The following PDS5B variants were observed in gnomAD, a reference collection of about 807,000 sequenced individuals.
PDS5B encodes PDS5 cohesin associated factor B, also known as sister chromatid cohesion protein PDS5 homolog B.
Under a neutral mutation model 184.1 loss-of-function variants are expected in PDS5B, and 51 were observed. The ratio of observed to expected loss-of-function variants is 0.28; its 90% CI spans 0.22 to 0.35. PDS5B has a LOEUF of 0.35. Among genes scored for constraint, PDS5B ranks in the 10% least tolerant of loss-of-function variants. The pLI is 1.00. For missense variants in PDS5B, 1,180 were observed against 1,723.3 expected (o/e 0.68, Z 5.58); for synonymous variants, 566 against 569.2 (o/e 0.99, Z 0.08).
chr13:32,712,732 A>C (rs545714963), intron 19 of PDS5B, among the ~76,000 whole-genome samples: 8 of 152,308 alleles, frequency 5.3e-5, no homozygotes, highest in Admixed American at 4.6e-4. Flanking sequence ...CTTTAAGAGA[A>C]AGAAAGAAAA....
chr13:32,759,721 G>T (rs376630629), intron 29 of PDS5B, 31 bp downstream of exon 29: 21 of 1,225,628 alleles, frequency 1.7e-5, no homozygotes, highest in Non-Finnish European at 2.2e-5. Flanking sequence ...TAATTTTTAT[G>T]TGGTAGCTTA....
chr13:32,640,782 T>C (rs1208259606), intron 1 of PDS5B, among the ~76,000 whole-genome samples: 1 of 149,216 alleles, frequency 6.7e-6, no homozygotes, highest in Non-Finnish European at 1.5e-5. Context: ...TGGCCAGGTG[T>C]GGTGGCTCAC....
chr13:32,689,695 G>T (rs940247686), intron 13 of PDS5B: 17 of 152,178 alleles, frequency 1.1e-4, no homozygotes, highest in African/African-American at 4.1e-4. Context: ...TCCAAAGCTT[G>T]TTCTTTTTCC....
chr13:32,770,298 A>G lies in PDS5B; in HGVS notation c.3802A>G (p.Lys1268Glu). Residue 1268 changes from lysine to glutamate, a missense_variant, in exon 32 of 35, where the codon AAG becomes GAG. Around this residue, in one of 11 missense-constraint regions of PDS5B, gnomAD observed 465 missense variants for 497.8 expected, o/e 0.93. Coordinates refer to ENST00000315596, the MANE Select transcript of PDS5B (RefSeq NM_015032.4). ...TGATGAACAGCAGTGGCCTGAGGAA[A>G]AGAGGCTCAAAGAAGATATATTAGA... ...ESDEQQWPEE[K>E]RLKEDILENE... 2 of 1,614,082 alleles carry G rather than the reference A, an allele frequency of 1.2e-6. No homozygotes were observed. Among genetic ancestry groups the G allele is most frequent in the African/African-American group, 1.3e-5 (1 of 75,030 alleles).
At chr13:32,730,742 CTGTT>C (rs1288267842) in intron 19 of PDS5B, among the ~76,000 whole-genome samples, 1 of 149,078 alleles carries the variant, frequency 6.7e-6, no homozygotes, top group African/African-American at 2.4e-5. Context: ...ATTTGGCTCT[CTGTT>C]TGTCTTTTAT....
intron 24 of PDS5B, among the ~76,000 whole-genome samples, chr13:32,752,733 C>G (rs983460274): frequency 6.6e-6 from 1 of 152,098 alleles, no homozygotes; most frequent in African/African-American, 2.4e-5. Context: ...GTTAAGCAGG[C>G]ACACGGGTAA....
At chr13:32,723,792 AATC>A (rs1952801677) in intron 19 of PDS5B, among the ~76,000 whole-genome samples, 2 of 152,210 alleles carry the variant, frequency 1.3e-5, no homozygotes, top group African/African-American at 4.8e-5. Flanking sequence ...ACAGAATAAT[AATC>A]TTTTATTTCA....
At position 32,742,596 on chromosome 13, in the gene PDS5B, G is replaced by A; in HGVS notation, c.2481G>A (p.Gln827=). The change falls in exon 23 of 35, where the codon CAG becomes CAA. Residue 827 remains glutamine (Q), a synonymous_variant. Transcript: ENST00000315596. ...TCGACTTGTCTCTTAAATAGATTCAGGCTATTAAAATGATGGTTCGATGGC... is the reference window on the plus strand; with the variant it reads ...TCGACTTGTCTCTTAAATAGATTCAAGCTATTAAAATGATGGTTCGATGGC... ...EVSPETMVKI[Q]AIKMMVRWLL... is the part of the protein sequence containing the mutation. The A allele has an allele frequency of 6.2e-7, 1 of 1,610,356 alleles. No individual in the cohort carries two copies. The highest frequency in any genetic ancestry group is 1.1e-5 in the South Asian group (1 of 90,750).
chr13:32,696,531 C>T (rs955839587), intron 14 of PDS5B, among the ~76,000 whole-genome samples: 1 of 151,616 alleles, frequency 6.6e-6, no homozygotes, highest in Non-Finnish European at 1.5e-5. Context: ...TAGGAGTTTT[C>T]CCTGTTCTTT....
chr13:32,759,677 T>G lies in PDS5B; in HGVS notation c.3359T>G (p.Phe1120Cys), dbSNP rs1475635962. The change falls in exon 29 of 35, where the codon TTC becomes TGC. Residue 1120 changes from phenylalanine to cysteine, a missense_variant. Around this residue, in one of 11 missense-constraint regions of PDS5B, gnomAD observed 465 missense variants for 497.8 expected, o/e 0.93. Transcript: ENST00000315596. Reference sequence around the variant, plus strand: ...CTGCCTCCTGAAATGAAATCATTTTTCACTCCTGGAAAAGTATGTTTTGAG... The same window carrying G: ...CTGCCTCCTGAAATGAAATCATTTTGCACTCCTGGAAAAGTATGTTTTGAG... ...NYLPPEMKSF[F>C]TPGKPKTTNV... 6.4e-7 allele frequency: 1 copy of G among 1,557,858 alleles called. No individual in the cohort carries two copies. Among genetic ancestry groups the G allele is most frequent in the Admixed American group, 1.7e-5 (1 of 58,188 alleles).
chr13:32,599,671 T>G (rs1345333827), intron 1 of PDS5B, among the ~76,000 whole-genome samples: 3 of 151,578 alleles, frequency 2.0e-5, no homozygotes, highest in Non-Finnish European at 4.4e-5. Context: ...TCCCAGCACT[T>G]TGGGAGGCCA....
At chr13:32,658,555 T>C in intron 5 of PDS5B, 24 bp downstream of exon 5, 1 of 1,216,342 alleles carries the variant, frequency 8.2e-7, no homozygotes, top group Non-Finnish European at 1.2e-6. Context: ...ATTAAGTATG[T>C]AACATTAAAA....
chr13:32,596,195 A>C (rs2057865950), intron 1 of PDS5B, among the ~76,000 whole-genome samples: 1 of 152,198 alleles, frequency 6.6e-6, no homozygotes. Context: ...ATTACCCCAC[A>C]ACGTTTCCTT....
chr13:32,772,381 G>T (rs1289192725), intron 33 of PDS5B, among the ~76,000 whole-genome samples: 1 of 152,158 alleles, frequency 6.6e-6, no homozygotes, highest in Non-Finnish European at 1.5e-5. Context: ...TGGGCTCGTG[G>T]TTCTTGTTTT....
chr13:32,587,021 T>G, intron 1 of PDS5B, among the ~76,000 whole-genome samples: 1 of 135,802 alleles, frequency 7.4e-6, no homozygotes, highest in Non-Finnish European at 1.6e-5. Context: ...GCCGCGCCCC[T>G]CCCCCCGCGC....
chr13:32,586,808 C>A (rs1294443443), intron 1 of PDS5B, among the ~76,000 whole-genome samples: 1 of 144,906 alleles, frequency 6.9e-6, no homozygotes, highest in Non-Finnish European at 1.5e-5. Flanking sequence ...GGGGCGCGGG[C>A]CGGCTGCGCG....
At chr13:32,655,370 A>ATTTTTTTTTTTTTTT (rs1228061305) in intron 3 of PDS5B, among the ~76,000 whole-genome samples, 1 of 26,946 alleles carries the variant, frequency 3.7e-5, no homozygotes, top group Non-Finnish European at 6.5e-5. Flanking sequence ...ATATATATAT[A>ATTTTTTTTTTTTTTT]TATATTTTTT....
At chr13:32,610,546 G>A (rs2058125032) in intron 1 of PDS5B, among the ~76,000 whole-genome samples, 1 of 151,998 alleles carries the variant, frequency 6.6e-6, no homozygotes, top group African/African-American at 2.4e-5. Context: ...TTACACTTGA[G>A]GAGATGGATA....
At chr13:32,648,701 A>G in intron 1 of PDS5B, 53 bp from the exon 2 acceptor site, 1 of 743,054 alleles carries the variant, frequency 1.3e-6, no homozygotes, top group South Asian at 1.5e-5. Context: ...TATGTTTGTT[A>G]AGAATGTTTA....
Sources: gnomAD v4.1 joint callset for allele counts (sites outside exome capture counted in the v4.1 genomes callset) on GRCh38, gnomAD v4.1.1 for gene constraint, gnomAD v4.1.1 regional missense constraint, MANE v1.5 for transcripts, NCBI Gene and HGNC (gene_info 2026-07-23, HGNC 2026-07-21) for gene names.